The following KAT2B variants were observed in gnomAD, a reference collection of about 807,000 sequenced individuals.
The protein encoded by KAT2B is lysine acetyltransferase 2B, also known as histone acetyltransferase KAT2B.
KAT2B carries 36 observed loss-of-function variants against 105.9 expected under a neutral mutation model. That is an observed-to-expected ratio of 0.34 (90% CI 0.26 to 0.45). The LOEUF (loss-of-function observed/expected upper bound fraction) is 0.45, where lower values mean the gene tolerates loss of function less well. Among genes scored for constraint, KAT2B ranks in the 20% least tolerant of loss-of-function variants. KAT2B has a pLI of 1.00. For synonymous variants in KAT2B, 397 were observed against 377.9 expected, an observed-to-expected ratio of 1.05 and a Z score of -0.59; for missense variants, 820 against 1,021.6, an observed-to-expected ratio of 0.80 and a Z score of 2.69.
intron 11 of KAT2B, among the ~76,000 whole-genome samples, chr3:20,130,955 C>A (rs1699500679): frequency 1.4e-5 from 2 of 147,598 alleles, no homozygotes; most frequent in South Asian, 4.3e-4. Context: ...TGGTAAGAAC[C>A]AATCTTTAGT....
At chr3:20,074,585 T>C (rs2365367) in intron 2 of KAT2B, among the ~76,000 whole-genome samples, 80,399 of 151,980 alleles carry the variant, frequency 0.53, 22,639 homozygotes, top group African/African-American at 0.73. Flanking sequence ...AGGGTTCTTT[T>C]ACTTCACACA....
At chr3:20,055,944 G>A (rs1449570930) in intron 1 of KAT2B, among the ~76,000 whole-genome samples, 4 of 152,166 alleles carry the variant, frequency 2.6e-5, no homozygotes, top group African/African-American at 4.8e-5. Context: ...AGATTAATCC[G>A]TGGTGTTGGA....
At chr3:20,075,562 A>G (rs1041194264) in intron 2 of KAT2B, among the ~76,000 whole-genome samples, 12 of 152,186 alleles carry the variant, frequency 7.9e-5, no homozygotes, top group Non-Finnish European at 1.5e-4. Context: ...GCTATAAATC[A>G]GGGTTCCCAT....
chr3:20,083,669 T>G (rs894529025), intron 2 of KAT2B, among the ~76,000 whole-genome samples: 3 of 152,092 alleles, frequency 2.0e-5, no homozygotes, highest in African/African-American at 7.2e-5. Flanking sequence ...AGGGGGCTAT[T>G]TTATTATAGT....
chr3:20,147,645 T>C (rs1004901432), intron 14 of KAT2B, among the ~76,000 whole-genome samples: 51 of 152,220 alleles, frequency 3.4e-4, no homozygotes, highest in Non-Finnish European at 8.8e-5. Flanking sequence ...TACAGGGTGA[T>C]CAGCCCAAAA....
intron 1 of KAT2B, among the ~76,000 whole-genome samples, chr3:20,068,923 T>C (rs975419915): frequency 3.9e-5 from 6 of 152,158 alleles, no homozygotes; most frequent in Non-Finnish European, 7.3e-5. Context: ...AGCTGGAGGC[T>C]TAGGGAGTTC....
intron 4 of KAT2B, among the ~76,000 whole-genome samples, chr3:20,100,250 CTTG>C (rs1034144939): frequency 1.3e-5 from 2 of 152,040 alleles, no homozygotes; most frequent in Non-Finnish European, 2.9e-5. Context: ...TGTGCTTTTT[CTTG>C]TTGTTGGTGC....
In KAT2B at chr3:20,119,739, G is replaced by A; in HGVS notation, c.1276+16G>A. ...GCAAACCCAGGTAAGCTCTTAAGAGGGGATAAGAGAGGGCTGTGACTTGCT... is the reference window on the plus strand; with the variant it reads ...GCAAACCCAGGTAAGCTCTTAAGAGAGGATAAGAGAGGGCTGTGACTTGCT... On this transcript the variant is annotated intron_variant, in intron 8 of 17. Transcript: ENST00000263754. The A allele has an allele frequency of 6.2e-7, 1 of 1,613,454 alleles. No individual in the cohort carries two copies. Among genetic ancestry groups the A allele is most frequent in the Non-Finnish European group, 8.5e-7 (1 of 1,179,654 alleles).
intron 10 of KAT2B, among the ~76,000 whole-genome samples, chr3:20,127,143 C>A (rs1397368894): frequency 2.0e-5 from 3 of 152,206 alleles, no homozygotes; most frequent in Non-Finnish European, 2.9e-5. Flanking sequence ...TTCCAGAGCA[C>A]CTCTGCACAT....
At position 20,040,499 on chromosome 3, in the gene KAT2B, G is replaced by A. The variant is rs1217895185; in HGVS notation, c.22G>A (p.Gly8Arg). ...CGGCATGTCCGAGGCTGGCGGGGCC[G>A]GGCCGGGCGGCTGCGGGGCAGGAGC... MSEAGGA[G>R]PGGCGAGAGA... Residue 8 changes from glycine to arginine, a missense_variant, in exon 1 of 18, where the codon GGG becomes AGG. Around this residue, in one of 6 missense-constraint regions of KAT2B, gnomAD observed 190 missense variants for 176.7 expected, o/e 1.08. Coordinates refer to ENST00000263754, the MANE Select transcript of KAT2B (RefSeq NM_003884.5). The A allele has an allele frequency of 1.9e-6, 2 of 1,036,972 alleles. No homozygotes were observed. Among genetic ancestry groups the A allele is most frequent in the South Asian group, 4.4e-5 (1 of 22,494 alleles). The allele number at this position is 1,036,972 out of a possible 1,614,324, so 64.2% of individuals were successfully genotyped here.
At chr3:20,078,395 CT>C (rs1161761921) in intron 2 of KAT2B, among the ~76,000 whole-genome samples, 1 of 151,830 alleles carries the variant, frequency 6.6e-6, no homozygotes, top group Non-Finnish European at 1.5e-5. Flanking sequence ...GTGTTGTCAC[CT>C]TTTTCTTTCT....
chr3:20,082,627 A>G (rs972161309), intron 2 of KAT2B, among the ~76,000 whole-genome samples: 1 of 151,774 alleles, frequency 6.6e-6, no homozygotes, highest in Non-Finnish European at 1.5e-5. Flanking sequence ...TTAAAAACAA[A>G]CTCTTTAAAG....
chr3:20,114,865 A>G lies in KAT2B; in HGVS notation c.1044-17A>G, dbSNP rs1048307974. 3 of 1,401,988 alleles carry G rather than the reference A, an allele frequency of 2.1e-6. No homozygotes were observed. Among genetic ancestry groups the G allele is most frequent in the Non-Finnish European group, 3.0e-6 (3 of 992,358 alleles). 86.8% of individuals were successfully genotyped at this position (1,401,988 alleles called of 1,614,324 possible). On this transcript the variant is annotated splice_polypyrimidine_tract_variant and intron_variant, in intron 6 of 17. Transcript: ENST00000263754. ...GTAGTTTTTTTTTAATCTTATTGCT[A>G]TTACTCTTGTGTCTAGATTTCTGTC...
At chr3:20,103,773 G>A (rs376257618) in intron 5 of KAT2B, among the ~76,000 whole-genome samples, 97 of 152,260 alleles carry the variant, frequency 6.4e-4, no homozygotes, top group African/African-American at 2.3e-3. Flanking sequence ...GAAATTGGTG[G>A]CACTTATGAA....
intron 3 of KAT2B, among the ~76,000 whole-genome samples, chr3:20,099,053 A>G (rs1003863354): frequency 6.6e-6 from 1 of 152,224 alleles, no homozygotes; most frequent in Admixed American, 6.5e-5. Flanking sequence ...GTTACAGAAG[A>G]TTCAAGCAAA....
intron 5 of KAT2B, among the ~76,000 whole-genome samples, chr3:20,107,996 G>T (rs1227055769): frequency 6.6e-6 from 1 of 151,708 alleles, no homozygotes; most frequent in Non-Finnish European, 1.5e-5. Context: ...TTTTAGTAGA[G>T]ATGGGGTTTC....
intron 13 of KAT2B, among the ~76,000 whole-genome samples, chr3:20,140,832 C>A (rs915031945): frequency 6.6e-6 from 1 of 151,972 alleles, no homozygotes; most frequent in Admixed American, 6.6e-5. Flanking sequence ...TTTCCTTTCT[C>A]GGTTACCATT....
At chr3:20,141,027 A>G (rs1466797104) in intron 13 of KAT2B, among the ~76,000 whole-genome samples, 1 of 152,152 alleles carries the variant, frequency 6.6e-6, no homozygotes, top group Non-Finnish European at 1.5e-5. Context: ...TCTATTTACT[A>G]TTCTCCAAAG....
intron 11 of KAT2B, among the ~76,000 whole-genome samples, chr3:20,131,373 C>T (rs1699508557): frequency 6.6e-6 from 1 of 151,938 alleles, no homozygotes; most frequent in South Asian, 2.1e-4. Context: ...ACTTTTGAGA[C>T]ATCACACTGC....
Sources: gnomAD v4.1 joint callset for allele counts (sites outside exome capture counted in the v4.1 genomes callset) on GRCh38, gnomAD v4.1.1 for gene constraint, gnomAD v4.1.1 regional missense constraint, MANE v1.5 for transcripts, NCBI Gene and HGNC (gene_info 2026-07-23, HGNC 2026-07-21) for gene names.